The following P2RX3 variants were observed in gnomAD, a reference collection of about 807,000 sequenced individuals.
P2RX3 encodes the protein P2X purinoceptor 3.
A neutral mutation model predicts 51.5 loss-of-function variants in P2RX3; 41 were observed. The ratio of observed to expected loss-of-function variants is 0.80; its 90% CI spans 0.62 to 1.03. The LOEUF (loss-of-function observed/expected upper bound fraction) is 1.03, where lower values mean the gene tolerates loss of function less well. Ranked by LOEUF, P2RX3 falls within the 50% of genes least tolerant of loss-of-function variation. The pLI is 0.00. For missense variants in P2RX3, 459 were observed against 522.1 expected (o/e 0.88, Z 1.18); for synonymous variants, 185 against 191.6 (o/e 0.97, Z 0.29).
At chr11:57,350,518 G>T in intron 7 of P2RX3, 1 of 437,730 alleles carries the variant, frequency 2.3e-6, no homozygotes, top group Non-Finnish European at 4.1e-6. Context: ...TCCTGACCTC[G>T]TGATCCGCCC....
intron 8 of P2RX3, among the ~76,000 whole-genome samples, chr11:57,351,681 GTTTTGTTTCTCTCTTC>G: frequency 6.6e-6 from 1 of 152,082 alleles, no homozygotes; most frequent in East Asian, 1.9e-4. Flanking sequence ...TCAGCTTTCT[GTTTTGTTTCTCTCTTC>G]TTTTTTTTCT....
In P2RX3 at chr11:57,346,410, C is replaced by T. The variant is rs902587502; in HGVS notation, c.120-134C>T. The T allele has an allele frequency of 8.6e-6, 9 of 1,052,380 alleles. No homozygotes were observed. In the Admixed American group the frequency reaches 9.4e-5, roughly 11 times the overall value. 65.2% of individuals were successfully genotyped at this position (1,052,380 alleles called of 1,614,324 possible). ...AACCAAGGGCTCACTCTAGGTCTCACGCCTCTGGAAGGAACCATCCGCACA... is the reference window on the plus strand; with the variant it reads ...AACCAAGGGCTCACTCTAGGTCTCATGCCTCTGGAAGGAACCATCCGCACA... On this transcript the variant is annotated intron_variant, in intron 1 of 11. Coordinates refer to ENST00000263314, the MANE Select transcript of P2RX3 (RefSeq NM_002559.5).
intron 8 of P2RX3, among the ~76,000 whole-genome samples, chr11:57,364,255 C>CAGGACACAGTATTT (rs1268441821): frequency 2.6e-5 from 4 of 152,304 alleles, no homozygotes; most frequent in Admixed American, 6.5e-5. Context: ...TGATGTGAGA[C>CAGGACACAGTATTT]AGGACACAGT....
chr11:57,340,949 G>A (rs536278022), intron 1 of P2RX3, among the ~76,000 whole-genome samples: 2 of 152,320 alleles, frequency 1.3e-5, no homozygotes, highest in South Asian at 4.1e-4. Flanking sequence ...TGGAGCCGAG[G>A]GAGCAGAGAT....
Position 57,350,749 on chromosome 11 carries a change from C to T in P2RX3, c.706-13C>T. ...GGGCGAGGGGAAAGCTCATACCCGG[C>T]CCGTTTCTTCAGGGGGGAGTTCTGG... On this transcript the variant is annotated splice_polypyrimidine_tract_variant and intron_variant, in intron 7 of 11. Transcript: ENST00000263314. The T allele has an allele frequency of 6.2e-7, 1 of 1,613,826 alleles. No individual in the cohort carries two copies.
chr11:57,369,339 C>T (rs1201056436), intron 10 of P2RX3, 22 bp from the exon 11 acceptor site: 4 of 1,606,334 alleles, frequency 2.5e-6, no homozygotes, highest in Non-Finnish European at 2.5e-6. Context: ...CCTCGGAGCC[C>T]GCCCTGCCTC....
rs1856434809 is a variant in P2RX3, at chr11:57,346,544, G to A, written c.120G>A (p.Gly40=). 6.2e-7 allele frequency: 1 copy of A among 1,613,902 alleles called. No homozygotes were observed. The highest frequency in any genetic ancestry group is 8.5e-7 in the Non-Finnish European group (1 of 1,180,000). The change falls in exon 2 of 12, where the codon GGG becomes GGA. Residue 40 remains glycine, a splice_region_variant and synonymous_variant. Transcript: ENST00000263314. Reference sequence around the variant, plus strand: ...CTTCATTTATGCTCTCCTGCCCCAGGTGGGTTTTCTTGCACGAGAAGGCTT... The same window carrying A: ...CTTCATTTATGCTCTCCTGCCCCAGATGGGTTTTCTTGCACGAGAAGGCTT... ...VQLLIISYFV[G]WVFLHEKAYQ... is the part of the protein sequence containing the mutation.
chr11:57,365,929 C>T (rs529547026), intron 8 of P2RX3, among the ~76,000 whole-genome samples: 64 of 152,292 alleles, frequency 4.2e-4, no homozygotes, highest in African/African-American at 1.5e-3. Context: ...CTGTCAGGAG[C>T]ATCACGTCAA....
At chr11:57,367,232 A>G (rs954039458) in intron 8 of P2RX3, among the ~76,000 whole-genome samples, 1 of 152,186 alleles carries the variant, frequency 6.6e-6, no homozygotes, top group Non-Finnish European at 1.5e-5. Context: ...ACAAATGAGG[A>G]AATTGAGTCT....
At chr11:57,341,713 C>T (rs1856343584) in intron 1 of P2RX3, among the ~76,000 whole-genome samples, 1 of 152,084 alleles carries the variant, frequency 6.6e-6, no homozygotes, top group African/African-American at 2.4e-5. Context: ...AGGTTGATTT[C>T]CAGGGCCTTC....
At position 57,369,876 on chromosome 11, in the gene P2RX3, G is replaced by A. The variant is rs369396416; in HGVS notation, c.1081-8G>A. The A allele has an allele frequency of 2.3e-5, 37 of 1,591,244 alleles. No individual in the cohort carries two copies. The highest frequency in any genetic ancestry group is 1.7e-4 in the Admixed American group (10 of 59,884). On this transcript the variant is annotated splice_region_variant and splice_polypyrimidine_tract_variant and intron_variant, in intron 11 of 11. Coordinates refer to ENST00000263314, the MANE Select transcript of P2RX3 (RefSeq NM_002559.5). ...AGAACTTGACAACACCAGCTCTTTCGCCTGCAGGTGAATGAGACTACGCTG... is the reference window on the plus strand; with the variant it reads ...AGAACTTGACAACACCAGCTCTTTCACCTGCAGGTGAATGAGACTACGCTG...
intron 8 of P2RX3, among the ~76,000 whole-genome samples, chr11:57,359,463 G>A (rs573310203): frequency 7.7e-4 from 118 of 152,270 alleles, no homozygotes; most frequent in African/African-American, 2.7e-3. Flanking sequence ...GGGCTCCAGT[G>A]GCCCTTCCAG....
chr11:57,354,714 G>T (rs921662091), intron 8 of P2RX3, among the ~76,000 whole-genome samples: 2 of 151,920 alleles, frequency 1.3e-5, no homozygotes, highest in African/African-American at 4.8e-5. Context: ...AATGTGTGAG[G>T]CTGAGAGTGA....
chr11:57,337,051 G>A (rs1223279433), upstream of P2RX3, among the ~76,000 whole-genome samples: 1 of 152,146 alleles, frequency 6.6e-6, no homozygotes, highest in East Asian at 1.9e-4. Context: ...TAGCACTTGG[G>A]GAGGCCAAGG....
At chr11:57,362,910 C>T (rs1012523396) in intron 8 of P2RX3, among the ~76,000 whole-genome samples, 1 of 152,146 alleles carries the variant, frequency 6.6e-6, no homozygotes, top group African/African-American at 2.4e-5. Context: ...TCATTATCTA[C>T]AGGAGCCAGG....
chr11:57,347,277 C>A, intron 3 of P2RX3, 90 bp downstream of exon 3: 1 of 1,499,182 alleles, frequency 6.7e-7, no homozygotes, highest in Non-Finnish European at 9.2e-7. Context: ...TGAGCAGAGG[C>A]CCCAAGTCTG....
chr11:57,347,525 A>G, intron 4 of P2RX3, 47 bp downstream of exon 4: 1 of 1,537,664 alleles, frequency 6.5e-7, no homozygotes, highest in East Asian at 2.4e-5. Flanking sequence ...TGTTAGTGGG[A>G]CCCATGGGGG....
At chr11:57,344,981 C>G (rs1230541099) in intron 1 of P2RX3, among the ~76,000 whole-genome samples, 1 of 152,206 alleles carries the variant, frequency 6.6e-6, no homozygotes, top group South Asian at 2.1e-4. Context: ...CCAGCCTCCA[C>G]CTGAGGAAGG....
rs3781893 is a variant in P2RX3, at chr11:57,370,361, A to G, written c.*364A>G. 3.9e-3 allele frequency: 738 copies of G among 191,100 alleles called. 53 individuals are homozygous for G. In the East Asian group the frequency reaches 0.093, roughly 24 times the overall value. The allele number at this position is 191,100 out of a possible 1,614,324, so 11.8% of individuals were successfully genotyped here. ...CGTTATCTCATTTAATCCTTAGAATAATCCTATGAGGTAGATATTAGTTTC... is the reference window on the plus strand; with the variant it reads ...CGTTATCTCATTTAATCCTTAGAATGATCCTATGAGGTAGATATTAGTTTC... On this transcript the variant is annotated 3_prime_UTR_variant, in exon 12 of 12. Coordinates refer to ENST00000263314, the MANE Select transcript of P2RX3 (RefSeq NM_002559.5).
Sources: gnomAD v4.1 joint callset for allele counts (sites outside exome capture counted in the v4.1 genomes callset) on GRCh38, gnomAD v4.1.1 for gene constraint, MANE v1.5 for transcripts, NCBI Gene and HGNC (gene_info 2026-07-23, HGNC 2026-07-21) for gene names.